The following PGP variants were observed in gnomAD, a reference collection of about 807,000 sequenced individuals.
The protein encoded by PGP is aspartate-based ubiquitous Mg(2+)-dependent phosphatase.
PGP carries 9 observed loss-of-function variants against 19.3 expected under a neutral mutation model. That is an observed-to-expected ratio of 0.47 (90% CI 0.28 to 0.81). The LOEUF (loss-of-function observed/expected upper bound fraction) is 0.81, where lower values mean the gene tolerates loss of function less well. PGP is among the 40% of genes least tolerant of loss of function. The pLI is 0.11. For missense variants in PGP, 403 were observed against 479.9 expected, an observed-to-expected ratio of 0.84 and a Z score of 1.50; for synonymous variants, 308 against 226.8, an observed-to-expected ratio of 1.36 and a Z score of -3.22.
rs2093380946 is a variant in PGP, at chr16:2,213,645, G to A, written c.*83C>T. The A allele has an allele frequency of 7.5e-7, 1 of 1,329,696 alleles. No homozygotes were observed. Among genetic ancestry groups the A allele is most frequent in the Non-Finnish European group, 1.0e-6 (1 of 992,530 alleles). 82.4% of individuals were successfully genotyped at this position (1,329,696 alleles called of 1,614,324 possible). ...CTCTTTGAAGCCACTTAGCCGAGCA[G>A]ATGCTTAAGCCCCACCTATTAATTT... On this transcript the variant is annotated 3_prime_UTR_variant, in exon 2 of 2. Coordinates refer to ENST00000333503, the MANE Select transcript of PGP (RefSeq NM_001042371.3).
chr16:2,214,418 C>T lies in PGP; in HGVS notation c.360G>A (p.Lys120=). 7.5e-7 allele frequency: 1 copy of T among 1,337,854 alleles called. No individual in the cohort carries two copies. The highest frequency in any genetic ancestry group is 2.6e-4 in the Middle Eastern group (1 of 3,856). The allele number at this position is 1,337,854 out of a possible 1,614,324, so 82.9% of individuals were successfully genotyped here. The change falls in exon 1 of 2, where the codon AAG becomes AAA. Residue 120 remains lysine (K), a synonymous_variant. Coordinates refer to ENST00000333503, the MANE Select transcript of PGP (RefSeq NM_001042371.3). The surrounding 1 kb of genome is among the most constrained non-coding windows in gnomAD (Gnocchi z 7.1). ...GGGCTGGGCTGCCCAGCACGTAGGC[C>T]TTGGGCGCGGGGGCGCCGGCCAGGC... ...RQRLAGAPAP[K]AYVLGSPALA...
rs1353313407 is a variant in PGP at position 2,213,146 on chromosome 16, G to A, written c.*582C>T. On this transcript the variant is annotated 3_prime_UTR_variant, in exon 2 of 2. Coordinates refer to ENST00000333503, the MANE Select transcript of PGP (RefSeq NM_001042371.3). ...ATCAGAGTGGTTTTCAAGGAAGTAA[G>A]GGAGGTGGGAGAGTGGTGAGGGCAG... 4.1e-6 allele frequency: 4 copies of A among 985,388 alleles called. No homozygotes were observed. The highest frequency in any genetic ancestry group is 3.5e-5 in the African/African-American group (2 of 57,250). 61.0% of individuals were successfully genotyped at this position (985,388 alleles called of 1,614,324 possible). A position where few individuals can be genotyped will look rare whatever the true frequency, so the allele number is the denominator to read the frequency against.
Position 2,212,021 on chromosome 16 carries a change from T to C in PGP, c.*1707A>G. 1.0e-6 allele frequency: 1 copy of C among 985,526 alleles called. No individual in the cohort carries two copies. Among genetic ancestry groups the C allele is most frequent in the South Asian group, 4.7e-5 (1 of 21,294 alleles). The allele number at this position is 985,526 out of a possible 1,614,324, so 61.0% of individuals were successfully genotyped here. On this transcript the variant is annotated 3_prime_UTR_variant, in exon 2 of 2. Coordinates refer to ENST00000333503, the MANE Select transcript of PGP (RefSeq NM_001042371.3). ...GTGGGTTTGAGAGTTTAATCTGTGCTCTGGCGCCCACAGTGCTGCAGCCCC... is the reference window on the plus strand; with the variant it reads ...GTGGGTTTGAGAGTTTAATCTGTGCCCTGGCGCCCACAGTGCTGCAGCCCC...
chr16:2,214,345 G>T lies in PGP; in HGVS notation c.433C>A (p.Pro145Thr). 1 of 1,519,114 alleles carries T rather than the reference G, an allele frequency of 6.6e-7. No homozygotes were observed. The highest frequency in any genetic ancestry group is 2.1e-4 in the Middle Eastern group (1 of 4,858). The allele number at this position is 1,519,114 out of a possible 1,614,324, so 94.1% of individuals were successfully genotyped here. A position where few individuals can be genotyped will look rare whatever the true frequency, so the allele number is the denominator to read the frequency against. The change falls in exon 1 of 2, where the codon CCC becomes ACC. Residue 145 changes from proline to threonine, a missense_variant. Physicochemically the swap from Pro to Thr is conservative, Grantham distance 38. Coordinates refer to ENST00000333503, the MANE Select transcript of PGP (RefSeq NM_001042371.3). The surrounding 1 kb of genome is among the most constrained non-coding windows in gnomAD (Gnocchi z 7.1). ...GGACCCTCGCCCTGCAGTGGCTCGG[G>T]CCCCACGCCCACGCTGGCGACGCCC... ...AVGVASVGVG[P>T]EPLQGEGPGD...
rs949544562 is a variant in PGP, at chr16:2,214,393, G to A, written c.385C>T (p.Leu129=). The A allele has an allele frequency of 2.8e-6, 4 of 1,420,692 alleles. No individual in the cohort carries two copies. In the Admixed American group the frequency reaches 9.5e-5, roughly 34 times the overall value. 88.0% of individuals were successfully genotyped at this position (1,420,692 alleles called of 1,614,324 possible). The change falls in exon 1 of 2, where the codon CTG becomes TTG. Residue 129 remains leucine (L), a synonymous_variant. Coordinates refer to ENST00000333503, the MANE Select transcript of PGP (RefSeq NM_001042371.3). The surrounding 1 kb of genome is among the most constrained non-coding windows in gnomAD (Gnocchi z 7.1). The stretch of plus-strand genomic sequence containing the variant: ...CCCACGGCCTCCAGCTCCGCGGCCA[G>A]GGCTGGGCTGCCCAGCACGTAGGCC... ...PKAYVLGSPA[L]AAELEAVGVA... is the part of the protein sequence containing the mutation.
chr16:2,213,335 C>G lies in PGP; in HGVS notation c.*393G>C. 3.0e-6 allele frequency: 3 copies of G among 991,472 alleles called. No individual in the cohort carries two copies. The highest frequency in any genetic ancestry group is 3.6e-6 in the Non-Finnish European group (3 of 833,850). The allele number at this position is 991,472 out of a possible 1,614,324, so 61.4% of individuals were successfully genotyped here. A position where few individuals can be genotyped will look rare whatever the true frequency, so the allele number is the denominator to read the frequency against. ...TCTCCCAACAGTCAGAATAATCAGT[C>G]CCTCTGCCCCCTGAGGGGCTGGATC... On this transcript the variant is annotated 3_prime_UTR_variant, in exon 2 of 2. Coordinates refer to ENST00000333503, the MANE Select transcript of PGP (RefSeq NM_001042371.3).
In PGP at chr16:2,214,595, C is replaced by A; in HGVS notation, c.183G>T (p.Lys61Asn). Reference sequence around the variant, plus strand: ...TGTTGTTGGTGATGAAGCCCAGGCGCTTGCCGCGGGCTCGCAGCGCCCGCA... The same window carrying A: ...TGTTGTTGGTGATGAAGCCCAGGCGATTGCCGCGGGCTCGCAGCGCCCGCA... ...EALRALRARG[K>N]RLGFITNNSS... Residue 61 changes from lysine (K) to asparagine (N), a missense_variant, in exon 1 of 2, where the codon AAG becomes AAT. Transcript: ENST00000333503. This position sits in a 1 kb window ranked among gnomAD's most constrained non-coding sequence, Gnocchi z 7.1. 1 of 1,468,874 alleles carries A rather than the reference C, an allele frequency of 6.8e-7. No homozygotes were observed. The highest frequency in any genetic ancestry group is 9.0e-7 in the Non-Finnish European group (1 of 1,114,502). 91.0% of individuals were successfully genotyped at this position (1,468,874 alleles called of 1,614,324 possible).
rs747624649 is a variant in PGP at position 2,214,020 on chromosome 16, G to A, written c.674C>T (p.Ala225Val). The A allele has an allele frequency of 1.9e-6, 3 of 1,601,584 alleles. No individual in the cohort carries two copies. The highest frequency in any genetic ancestry group is 1.7e-6 in the Non-Finnish European group (2 of 1,172,802). Residue 225 changes from alanine (A) to valine (V), a missense_variant, in exon 2 of 2, where the codon GCC becomes GTC. By Grantham distance (64) the Ala-to-Val change is moderately conservative. Transcript: ENST00000333503. The surrounding 1 kb of genome is among the most constrained non-coding windows in gnomAD (Gnocchi z 7.1). ...TGCLVRAVEM[A>V]AQRQADIIGK... is the part of the protein sequence containing the mutation. ...GATGATGTCGGCCTGGCGCTGGGCG[G>A]CCATCTCCACGGCTCGGACCAGACA...
chr16:2,213,845 G>C lies in PGP; in HGVS notation c.849C>G (p.Val283=). Residue 283 remains valine, a synonymous_variant, in exon 2 of 2, where the codon GTC becomes GTG. Coordinates refer to ENST00000333503, the MANE Select transcript of PGP (RefSeq NM_001042371.3). ...GLKTILTLTG[V]STLGDVKNNQ... ...TATTCTTCACATCCCCTAGAGTGGA[G>C]ACTCCGGTGAGGGTCAGGATGGTCT... 6.2e-7 allele frequency: 1 copy of C among 1,612,350 alleles called. No individual in the cohort carries two copies. Among genetic ancestry groups the C allele is most frequent in the Non-Finnish European group, 8.5e-7 (1 of 1,178,678 alleles).
At position 2,213,002 on chromosome 16, in the gene PGP, C is replaced by T. The variant is rs920199352; in HGVS notation, c.*726G>A. 17 of 985,402 alleles carry T rather than the reference C, an allele frequency of 1.7e-5. No individual in the cohort carries two copies. The highest frequency in any genetic ancestry group is 1.1e-4 in the East Asian group (1 of 8,834). 61.0% of individuals were successfully genotyped at this position (985,402 alleles called of 1,614,324 possible). A position where few individuals can be genotyped will look rare whatever the true frequency, so the allele number is the denominator to read the frequency against. On this transcript the variant is annotated 3_prime_UTR_variant, in exon 2 of 2. Coordinates refer to ENST00000333503, the MANE Select transcript of PGP (RefSeq NM_001042371.3). ...GGCGTCCACGCCATGGTAGCTGCTCCGTCCAAATCACCTGGGTATAAATGC... is the reference window on the plus strand; with the variant it reads ...GGCGTCCACGCCATGGTAGCTGCTCTGTCCAAATCACCTGGGTATAAATGC...
rs1272116675 is a variant in PGP at position 2,214,001 on chromosome 16, G to A, written c.693C>T (p.Asp231=). 5 of 1,606,804 alleles carry A rather than the reference G, an allele frequency of 3.1e-6. No homozygotes were observed. The African/African-American group carries it at 6.7e-5, about 21-fold the overall frequency. The part of the protein sequence containing the change: ...AVEMAAQRQA[D]IIGKPSRFIF... Reference sequence around the variant, plus strand: ...TGAAGCGGCTGGGCTTCCCGATGATGTCGGCCTGGCGCTGGGCGGCCATCT... The same window carrying A: ...TGAAGCGGCTGGGCTTCCCGATGATATCGGCCTGGCGCTGGGCGGCCATCT... The change falls in exon 2 of 2, where the codon GAC becomes GAT. Residue 231 remains aspartate (D), a synonymous_variant. Coordinates refer to ENST00000333503, the MANE Select transcript of PGP (RefSeq NM_001042371.3). The surrounding 1 kb of genome is among the most constrained non-coding windows in gnomAD (Gnocchi z 7.1).
At position 2,213,416 on chromosome 16, in the gene PGP, C is replaced by A; in HGVS notation, c.*312G>T. The A allele has an allele frequency of 1.0e-6, 1 of 992,336 alleles. No homozygotes were observed. The highest frequency in any genetic ancestry group is 3.9e-5 in the South Asian group (1 of 25,844). The allele number at this position is 992,336 out of a possible 1,614,324, so 61.5% of individuals were successfully genotyped here. A position where few individuals can be genotyped will look rare whatever the true frequency, so the allele number is the denominator to read the frequency against. On this transcript the variant is annotated 3_prime_UTR_variant, in exon 2 of 2. Coordinates refer to ENST00000333503, the MANE Select transcript of PGP (RefSeq NM_001042371.3). ...CACACACCCCTAGACCCGCCTCAGT[C>A]CCATCGGCAGGCCCTGGTTACCTGA...
Position 2,212,798 on chromosome 16 carries a change from A to G in PGP, c.*930T>C. Reference sequence around the variant, plus strand: ...GCATTCCTTGGCCAACACATGCTTCAGCCGCGCTGCCGGCTGCAGGGCACA... The same window carrying G: ...GCATTCCTTGGCCAACACATGCTTCGGCCGCGCTGCCGGCTGCAGGGCACA... On this transcript the variant is annotated 3_prime_UTR_variant, in exon 2 of 2. Coordinates refer to ENST00000333503, the MANE Select transcript of PGP (RefSeq NM_001042371.3). 1 of 985,506 alleles carries G rather than the reference A, an allele frequency of 1.0e-6. No individual in the cohort carries two copies. The highest frequency in any genetic ancestry group is 1.1e-4 in the East Asian group (1 of 8,820). 61.0% of individuals were successfully genotyped at this position (985,506 alleles called of 1,614,324 possible).
chr16:2,211,763 C>T lies in PGP; in HGVS notation c.*1965G>A, dbSNP rs528431833. On this transcript the variant is annotated 3_prime_UTR_variant, in exon 2 of 2. Coordinates refer to ENST00000333503, the MANE Select transcript of PGP (RefSeq NM_001042371.3). ...GCTCCCTGCCCTGGGCGCTCTGACACGGCAGCCCACCAGCTTCACTCCAGG... is the reference window on the plus strand; with the variant it reads ...GCTCCCTGCCCTGGGCGCTCTGACATGGCAGCCCACCAGCTTCACTCCAGG... The T allele has an allele frequency of 1.0e-5, 10 of 985,560 alleles. No individual in the cohort carries two copies. Among genetic ancestry groups the T allele is most frequent in the South Asian group, 9.4e-5 (2 of 21,304 alleles). The allele number at this position is 985,560 out of a possible 1,614,324, so 61.1% of individuals were successfully genotyped here.
At position 2,214,754 on chromosome 16, in the gene PGP, G is replaced by A. The variant is rs1203976194; in HGVS notation, c.24C>T (p.Gly8=). 6.8e-6 allele frequency: 8 copies of A among 1,171,452 alleles called. No individual in the cohort carries two copies. The highest frequency in any genetic ancestry group is 9.3e-5 in the Admixed American group (2 of 21,516). The allele number at this position is 1,171,452 out of a possible 1,614,324, so 72.6% of individuals were successfully genotyped here. MAAAEAG[G]DDARCVRLSA... ...TCAGCCGCACGCAGCGGGCGTCGTC[G>A]CCACCGGCCTCCGCCGCCGCCATCG... Residue 8 remains glycine, a synonymous_variant, in exon 1 of 2, where the codon GGC becomes GGT. Coordinates refer to ENST00000333503, the MANE Select transcript of PGP (RefSeq NM_001042371.3). The surrounding 1 kb of genome is among the most constrained non-coding windows in gnomAD (Gnocchi z 7.1).
chr16:2,213,031 CTT>C lies in PGP; in HGVS notation c.*695_*696del, dbSNP rs1213149137. ...CAAATCACCTGGGTATAAATGCACA[CTT>C]GAGACAGCAGAGCTTTAGCTGGGCT... On this transcript the variant is annotated 3_prime_UTR_variant, in exon 2 of 2. Transcript: ENST00000333503. The C allele has an allele frequency of 3.1e-5, 31 of 985,428 alleles. No individual in the cohort carries two copies. The highest frequency in any genetic ancestry group is 6.1e-5 in the Admixed American group (1 of 16,280). 61.0% of individuals were successfully genotyped at this position (985,428 alleles called of 1,614,324 possible). A position where few individuals can be genotyped will look rare whatever the true frequency, so the allele number is the denominator to read the frequency against.
rs1308021521 is a variant in PGP at position 2,212,483 on chromosome 16, G to A, written c.*1245C>T. 10 of 985,500 alleles carry A rather than the reference G, an allele frequency of 1.0e-5. No homozygotes were observed. Among genetic ancestry groups the A allele is most frequent in the Non-Finnish European group, 1.2e-5 (10 of 830,016 alleles). The allele number at this position is 985,500 out of a possible 1,614,324, so 61.0% of individuals were successfully genotyped here. ...GCAGAGCCAAGGAGCAGGCAGGAGA[G>A]GCTGGAGCCCCGCCCAGAACCTTGG... is the stretch of plus-strand genomic sequence containing the variant. On this transcript the variant is annotated 3_prime_UTR_variant, in exon 2 of 2. Transcript: ENST00000333503.
Position 2,214,760 on chromosome 16 carries a change from G to C in PGP, c.18C>G (p.Ala6=). 5.3e-6 allele frequency: 6 copies of C among 1,141,122 alleles called. No individual in the cohort carries two copies. The highest frequency in any genetic ancestry group is 6.5e-6 in the Non-Finnish European group (6 of 928,390). 70.7% of individuals were successfully genotyped at this position (1,141,122 alleles called of 1,614,324 possible). A position where few individuals can be genotyped will look rare whatever the true frequency, so the allele number is the denominator to read the frequency against. ...GCACGCAGCGGGCGTCGTCGCCACC[G>C]GCCTCCGCCGCCGCCATCGCCGCCC... MAAAE[A]GGDDARCVRL... is the part of the protein sequence containing the mutation. The change falls in exon 1 of 2, where the codon GCC becomes GCG. Residue 6 remains alanine (A), a synonymous_variant. Coordinates refer to ENST00000333503, the MANE Select transcript of PGP (RefSeq NM_001042371.3). This position sits in a 1 kb window ranked among gnomAD's most constrained non-coding sequence, Gnocchi z 7.1.
rs1227905243 is a variant in PGP at position 2,213,274 on chromosome 16, T to G, written c.*454A>C. ...GGACACAGAAGGCTCCGCTGGACTT[T>G]CAGTCATACTGATGGGGCTCTGGTC... is the stretch of plus-strand genomic sequence containing the variant. On this transcript the variant is annotated 3_prime_UTR_variant, in exon 2 of 2. Coordinates refer to ENST00000333503, the MANE Select transcript of PGP (RefSeq NM_001042371.3). 1 of 986,214 alleles carries G rather than the reference T, an allele frequency of 1.0e-6. No individual in the cohort carries two copies. Among genetic ancestry groups the G allele is most frequent in the Non-Finnish European group, 1.2e-6 (1 of 830,412 alleles). 61.1% of individuals were successfully genotyped at this position (986,214 alleles called of 1,614,324 possible). A position where few individuals can be genotyped will look rare whatever the true frequency, so the allele number is the denominator to read the frequency against.
Sources: gnomAD v4.1 joint callset for allele counts on GRCh38, gnomAD v4.1.1 for gene constraint, Gnocchi (gnomAD v3.1) non-coding constraint, MANE v1.5 for transcripts, NCBI Gene and HGNC (gene_info 2026-07-23, HGNC 2026-07-21) for gene names.